The following NDRG1 variants were observed in gnomAD, a reference collection of about 807,000 sequenced individuals.
The protein encoded by NDRG1 is N-myc downstream regulated 1, also known as protein NDRG1.
NDRG1 carries 32 observed loss-of-function variants against 56.9 expected under a neutral mutation model. The ratio of observed to expected loss-of-function variants is 0.56; its 90% CI spans 0.42 to 0.76. The LOEUF (loss-of-function observed/expected upper bound fraction) is 0.76. Ranked by LOEUF, NDRG1 falls within the 30% of genes least tolerant of loss-of-function variation. The pLI, the probability that NDRG1 is intolerant of heterozygous loss-of-function variation, is 0.00. For missense variants in NDRG1, 507 were observed against 545.7 expected (o/e 0.93, Z 0.71); for synonymous variants, 211 against 204.1 (o/e 1.03, Z -0.29).
intron 10 of NDRG1, chr8:133,249,195 G>T: frequency 3.3e-6 from 1 of 306,092 alleles, no homozygotes. Context: ...GCACCCAAAT[G>T]ATCTCTTTAA....
chr8:133,290,809 CT>C (rs202040931), intron 1 of NDRG1, among the ~76,000 whole-genome samples: 1,588 of 152,326 alleles, frequency 0.01, 12 homozygotes, highest in Non-Finnish European at 0.017. Flanking sequence ...CCCATAGTAC[CT>C]TCCTAAGACG....
At chr8:133,296,514 C>T (rs1265737296) in intron 1 of NDRG1, 1 of 456,150 alleles carries the variant, frequency 2.2e-6, no homozygotes, top group Admixed American at 2.3e-5. Flanking sequence ...ACATGCACAC[C>T]GCCCTGTGTG....
chr8:133,277,196 G>A (rs940101902), intron 3 of NDRG1, among the ~76,000 whole-genome samples: 12 of 152,310 alleles, frequency 7.9e-5, no homozygotes, highest in South Asian at 2.1e-4. Flanking sequence ...AAATCACAGA[G>A]ACAGAAAATA....
intron 1 of NDRG1, among the ~76,000 whole-genome samples, chr8:133,292,293 G>T (rs1486931737): frequency 6.6e-6 from 1 of 152,176 alleles, no homozygotes; most frequent in South Asian, 2.1e-4. Flanking sequence ...TGCTAGCCAC[G>T]CTAACAGGAT....
At chr8:133,281,234 G>C (rs576588229) in intron 2 of NDRG1, among the ~76,000 whole-genome samples, 1 of 152,006 alleles carries the variant, frequency 6.6e-6, no homozygotes, top group African/African-American at 2.4e-5. Flanking sequence ...GCGCATGCCT[G>C]TAATCCCAGC....
intron 3 of NDRG1, among the ~76,000 whole-genome samples, chr8:133,277,027 T>C (rs939778682): frequency 6.6e-6 from 1 of 152,200 alleles, no homozygotes; most frequent in South Asian, 2.1e-4. Flanking sequence ...TGACACCTGC[T>C]ACAACAGGGA....
intron 15 of NDRG1, chr8:133,239,810 C>T (rs1189757902): frequency 6.5e-6 from 1 of 152,848 alleles, no homozygotes; most frequent in Non-Finnish European, 1.5e-5. Context: ...GGACAGTGTC[C>T]CGGAAGATTC....
chr8:133,274,778 C>T (rs951068401), intron 3 of NDRG1, among the ~76,000 whole-genome samples: 3 of 152,198 alleles, frequency 2.0e-5, no homozygotes, highest in South Asian at 2.1e-4. Context: ...TCAAGCATCA[C>T]GGTTGAGAGA....
chr8:133,244,279 G>A, intron 14 of NDRG1, 76 bp downstream of exon 14: 3 of 1,527,740 alleles, frequency 2.0e-6, no homozygotes, highest in Non-Finnish European at 2.7e-6. Flanking sequence ...TGAGGGAACA[G>A]GTGTCACAGA....
At chr8:133,248,567 TG>T in intron 11 of NDRG1, 147 bp downstream of exon 11, 1 of 985,992 alleles carries the variant, frequency 1.0e-6, no homozygotes, top group Non-Finnish European at 1.6e-6. Flanking sequence ...CAAGTCAGGC[TG>T]GGTAATGCTC....
rs557737109 is a variant in NDRG1, at chr8:133,237,578, C to G, written c.*1300G>C. The G allele has an allele frequency of 9.1e-4, 213 of 233,144 alleles. No individual in the cohort carries two copies. The highest frequency in any genetic ancestry group is 1.5e-3 in the Non-Finnish European group (182 of 117,996). 14.4% of individuals were successfully genotyped at this position (233,144 alleles called of 1,614,324 possible). Reference sequence around the variant, plus strand: ...GAAACGTCAGTGGTGCTGCCCCATTCGGCGAAAGGTTAGGGAGCAGGAAAA... The same window carrying G: ...GAAACGTCAGTGGTGCTGCCCCATTGGGCGAAAGGTTAGGGAGCAGGAAAA... On this transcript the variant is annotated 3_prime_UTR_variant, in exon 16 of 16. Coordinates refer to ENST00000323851, the MANE Select transcript of NDRG1 (RefSeq NM_006096.4).
intron 1 of NDRG1, among the ~76,000 whole-genome samples, chr8:133,287,681 C>T (rs1395884808): frequency 6.6e-6 from 1 of 152,176 alleles, no homozygotes. Context: ...ACATTTGGGC[C>T]CCACAAGCAG....
intron 3 of NDRG1, among the ~76,000 whole-genome samples, chr8:133,268,710 G>A (rs1012136606): frequency 3.3e-5 from 5 of 152,112 alleles, no homozygotes; most frequent in African/African-American, 4.8e-5. Flanking sequence ...ACTAGGATTC[G>A]AACTCTCTCC....
At chr8:133,296,969 C>G (rs909894937) in intron 1 of NDRG1, 165 bp downstream of exon 1, 3 of 164,350 alleles carry the variant, frequency 1.8e-5, no homozygotes, top group African/African-American at 7.2e-5. Context: ...GCACCCAAAG[C>G]CCCCTCGCGC....
chr8:133,256,726 C>T (rs1856391914), intron 8 of NDRG1, 51 bp downstream of exon 8: 1 of 1,567,692 alleles, frequency 6.4e-7, no homozygotes, highest in Non-Finnish European at 8.8e-7. Context: ...CTGTGTGCAC[C>T]TGTCCCTCTT....
intron 15 of NDRG1, chr8:133,239,373 A>C: frequency 4.9e-6 from 3 of 613,358 alleles, no homozygotes; most frequent in East Asian, 2.8e-5. Context: ...CTGAACCCCA[A>C]TTCTGCCACC....
intron 9 of NDRG1, among the ~76,000 whole-genome samples, chr8:133,253,675 A>G (rs749080366): frequency 3.3e-5 from 5 of 152,238 alleles, no homozygotes; most frequent in Non-Finnish European, 7.3e-5. Flanking sequence ...ATAAAATGGA[A>G]TACTTCTCAG....
In NDRG1 at chr8:133,254,549, A is replaced by T. The variant is rs1856262402; in HGVS notation, c.584T>A (p.Leu195His). 1 of 1,614,134 alleles carries T rather than the reference A, an allele frequency of 6.2e-7. No individual in the cohort carries two copies. The highest frequency in any genetic ancestry group is 8.5e-7 in the Non-Finnish European group (1 of 1,179,990). The change falls in exon 9 of 16, where the codon CTT becomes CAT. Residue 195 changes from leucine to histidine, a missense_variant. Transcript: ENST00000323851. The part of the protein sequence containing the change: ...QALPDMVVSH[L>H]FGKEEMQSNV... The stretch of plus-strand genomic sequence containing the variant: ...GACCACGCAACTCACCTTCCCAAAA[A>T]GGTGGGACACCACCATGTCCGGCAG...
At chr8:133,249,748 G>A (rs1234463188) in intron 10 of NDRG1, among the ~76,000 whole-genome samples, 2 of 152,228 alleles carry the variant, frequency 1.3e-5, no homozygotes, top group South Asian at 2.1e-4. Flanking sequence ...GATTGTAAAA[G>A]GAGGCAGATA....
Sources: allele counts gnomAD v4.1 joint callset (sites outside exome capture counted in the v4.1 genomes callset), GRCh38; gene constraint gnomAD v4.1.1; transcripts MANE v1.5; gene names NCBI Gene and HGNC (gene_info 2026-07-23, HGNC 2026-07-21).